CREM: variants seen among roughly 807,000 people sequenced by gnomAD.
CREM encodes the protein cAMP responsive element modulator.
In CREM, 13 loss-of-function variants were observed where a neutral mutation model predicts 37.3. The ratio of observed to expected loss-of-function variants is 0.35; its 90% CI spans 0.23 to 0.55. CREM has a LOEUF of 0.55. CREM is among the 20% of genes least tolerant of loss of function. The pLI is 0.88. For synonymous variants in CREM, 124 were observed against 120.2 expected (o/e 1.03, Z -0.21); for missense variants, 296 against 362.3 (o/e 0.82, Z 1.49).
At position 35,179,165 on chromosome 10, in the gene CREM, C is replaced by A. The variant is rs866122255; in HGVS notation, c.298C>A (p.Pro100Thr). The A allele has an allele frequency of 7.4e-6, 12 of 1,613,736 alleles. No homozygotes were observed. The South Asian group carries it at 7.7e-5, about 10-fold the overall frequency. Reference protein sequence around the residue: ...KILNELSSDVPGVPKIEEERS... With the variant: ...KILNELSSDVTGVPKIEEERS... ...ACTGAATGAACTGTCCTCTGATGTGCCTGGTGTTCCCAAGATTGAAGAAGA... is the reference window on the plus strand; with the variant it reads ...ACTGAATGAACTGTCCTCTGATGTGACTGGTGTTCCCAAGATTGAAGAAGA... The change falls in exon 5 of 8, where the codon CCT (proline) becomes ACT (threonine). Residue 100 changes from proline (P) to threonine (T), a missense_variant. Physicochemically the swap from Pro to Thr is conservative, Grantham distance 38. This residue lies in a region of CREM where 257 missense variants were observed against 280.2 expected (regional missense o/e 0.92). Coordinates refer to ENST00000685392, the MANE Select transcript of CREM (RefSeq NM_183011.2).
chr10:35,145,032 G>A (rs990010258), intron 2 of CREM, among the ~76,000 whole-genome samples: 5 of 151,758 alleles, frequency 3.3e-5, no homozygotes, highest in East Asian at 1.9e-4. Context: ...GTGGTGGCGC[G>A]TGCCTGTAAT....
chr10:35,137,754 C>G, intron 1 of CREM, 28 bp from the exon 2 acceptor site: 1 of 1,038,944 alleles, frequency 9.6e-7, no homozygotes, highest in Non-Finnish European at 1.4e-6. Context: ...TTACGATCTC[C>G]CAATTCAACA....
chr10:35,131,533 A>G (rs1055796346), intron 1 of CREM, among the ~76,000 whole-genome samples: 34 of 152,258 alleles, frequency 2.2e-4, no homozygotes, highest in African/African-American at 7.9e-4. Flanking sequence ...TCCACTTTGG[A>G]ATTATGACAA....
chr10:35,177,153 A>G, intron 3 of CREM, among the ~76,000 whole-genome samples: 1 of 152,116 alleles, frequency 6.6e-6, no homozygotes, highest in East Asian at 1.9e-4. Flanking sequence ...CAAGTAGTTT[A>G]TCACAGTAGA....
chr10:35,160,566 CTTATT>C (rs1482689470), intron 3 of CREM, among the ~76,000 whole-genome samples: 1 of 152,118 alleles, frequency 6.6e-6, no homozygotes, highest in Non-Finnish European at 1.5e-5. Flanking sequence ...GCCCAGCTAA[CTTATT>C]TTATTTTTTT....
chr10:35,171,508 T>C (rs1415391233), intron 3 of CREM, among the ~76,000 whole-genome samples: 1 of 152,206 alleles, frequency 6.6e-6, no homozygotes, highest in Non-Finnish European at 1.5e-5. Context: ...CTGATAATTG[T>C]ACTTGAAAGA....
chr10:35,128,097 C>A (rs2088344776), intron 1 of CREM, among the ~76,000 whole-genome samples: 1 of 152,210 alleles, frequency 6.6e-6, no homozygotes, highest in Non-Finnish European at 1.5e-5. Context: ...CTCGGCCTCC[C>A]AAAGTGCTGG....
chr10:35,142,393 A>G (rs751783218), intron 2 of CREM, among the ~76,000 whole-genome samples: 1 of 149,412 alleles, frequency 6.7e-6, no homozygotes, highest in Admixed American at 6.6e-5. Flanking sequence ...GTAGATGTCA[A>G]TAGCTTTGTT....
chr10:35,131,584 C>T (rs1189753000), intron 1 of CREM, among the ~76,000 whole-genome samples: 2 of 152,030 alleles, frequency 1.3e-5, no homozygotes, highest in East Asian at 3.9e-4. Context: ...AATATGGGTG[C>T]TTGGAATGTT....
At chr10:35,137,074 G>A (rs1197948907) in intron 1 of CREM, among the ~76,000 whole-genome samples, 1 of 152,028 alleles carries the variant, frequency 6.6e-6, no homozygotes, top group Non-Finnish European at 1.5e-5. Context: ...TCAGCCTCCC[G>A]CAGTGCTGGG....
intron 1 of CREM, among the ~76,000 whole-genome samples, chr10:35,131,436 T>A (rs2089362046): frequency 6.6e-6 from 1 of 152,188 alleles, no homozygotes; most frequent in African/African-American, 2.4e-5. Context: ...TCAATTTTTT[T>A]ATTGATAGCA....
intron 5 of CREM, among the ~76,000 whole-genome samples, chr10:35,183,620 A>G (rs1413599673): frequency 6.6e-6 from 1 of 152,258 alleles, no homozygotes; most frequent in African/African-American, 2.4e-5. Context: ...CTGAGAATTC[A>G]TTGGAACAAA....
chr10:35,145,182 G>C (rs1055375666), intron 2 of CREM, among the ~76,000 whole-genome samples: 91 of 141,864 alleles, frequency 6.4e-4, no homozygotes, highest in Non-Finnish European at 1.2e-3. Context: ...AAAAAAAAAG[G>C]TATTATTCCT....
intron 3 of CREM, among the ~76,000 whole-genome samples, chr10:35,172,506 T>G (rs2093868745): frequency 6.6e-6 from 1 of 152,150 alleles, no homozygotes; most frequent in African/African-American, 2.4e-5. Flanking sequence ...GTTGGGTGCC[T>G]TAACTCAAGT....
intron 6 of CREM, 95 bp from the exon 7 acceptor site, chr10:35,206,800 A>T: frequency 8.9e-7 from 1 of 1,124,678 alleles, no homozygotes; most frequent in Non-Finnish European, 1.3e-6. Flanking sequence ...ACCTCTTATG[A>T]GATGTCAAAA....
intron 5 of CREM, among the ~76,000 whole-genome samples, chr10:35,182,440 G>A (rs2094392032): frequency 6.6e-6 from 1 of 150,518 alleles, no homozygotes; most frequent in Admixed American, 6.6e-5. Context: ...AGGTTTAATT[G>A]TTCAGCTTTT....
chr10:35,194,813 C>T (rs1385091688), intron 6 of CREM, among the ~76,000 whole-genome samples: 2 of 150,998 alleles, frequency 1.3e-5, no homozygotes, highest in East Asian at 3.9e-4. Flanking sequence ...TTTATTCTCC[C>T]TTAGTTTACC....
Position 35,175,816 on chromosome 10 carries a change from G to T in CREM, c.169-3073G>T, listed in dbSNP as rs749332254. On this transcript the variant is annotated intron_variant, in intron 3 of 7. Coordinates refer to ENST00000685392, the MANE Select transcript of CREM (RefSeq NM_183011.2). ...AATAGCAAAAACAATAACAAAAAAG[G>T]TCCAGCTTTAATCCTCAATGGTGAT... is the stretch of plus-strand genomic sequence containing the variant. The T allele has an allele frequency of 3.7e-6, 6 of 1,609,678 alleles. No individual in the cohort carries two copies. The African/African-American group carries it at 4.0e-5, about 11-fold the overall frequency.
At chr10:35,198,291 A>C (rs907791232) in intron 6 of CREM, among the ~76,000 whole-genome samples, 1 of 151,936 alleles carries the variant, frequency 6.6e-6, no homozygotes, top group Non-Finnish European at 1.5e-5. Context: ...TTGGGAGGCC[A>C]AGGCGGGCGG....
Sources: allele counts gnomAD v4.1 joint callset (sites outside exome capture counted in the v4.1 genomes callset), GRCh38; gene constraint gnomAD v4.1.1; regional missense constraint gnomAD v4.1.1; transcripts MANE v1.5; gene names NCBI Gene and HGNC (gene_info 2026-07-23, HGNC 2026-07-21).